The following BMPR1B variants were observed in gnomAD, a reference collection of about 807,000 sequenced individuals.
BMPR1B encodes the protein bone morphogenetic protein receptor type-1B.
In BMPR1B, 12 loss-of-function variants were observed where a neutral mutation model predicts 59.1. That is an observed-to-expected ratio of 0.20 (90% confidence interval 0.13 to 0.33). The LOEUF (loss-of-function observed/expected upper bound fraction) is 0.33. Ranked by LOEUF, BMPR1B falls within the 10% of genes least tolerant of loss-of-function variation. The probability of loss-of-function intolerance (pLI) is 1.00; values close to 1 mark genes in which losing one functional copy is unlikely to be tolerated. For missense variants in BMPR1B, 550 were observed against 610.9 expected, an observed-to-expected ratio of 0.90 and a Z score of 1.05; for synonymous variants, 237 against 207.3, an observed-to-expected ratio of 1.14 and a Z score of -1.23.
At chr4:95,019,130 T>A (rs1192221025) in intron 3 of BMPR1B, among the ~76,000 whole-genome samples, 3 of 152,208 alleles carry the variant, frequency 2.0e-5, no homozygotes, top group Non-Finnish European at 4.4e-5. Context: ...GTAGTTGTAG[T>A]AATTCACATG....
intron 2 of BMPR1B, among the ~76,000 whole-genome samples, chr4:94,952,225 AT>A (rs1253188213): frequency 6.6e-6 from 1 of 151,860 alleles, no homozygotes; most frequent in Admixed American, 6.6e-5. Context: ...GGATTCATTG[AT>A]TTTTTTGAAG....
At chr4:94,923,952 G>T (rs1289463849) in intron 2 of BMPR1B, among the ~76,000 whole-genome samples, 4 of 152,174 alleles carry the variant, frequency 2.6e-5, no homozygotes, top group African/African-American at 9.6e-5. Context: ...ACTCTTGATG[G>T]GTTGCCTTTG....
chr4:95,114,741 G>A lies in BMPR1B; in HGVS notation c.165G>A (p.Thr55=), dbSNP rs749067196. The A allele has an allele frequency of 9.3e-6, 15 of 1,613,346 alleles. No homozygotes were observed. Among genetic ancestry groups the A allele is most frequent in the South Asian group, 4.4e-5 (4 of 91,068 alleles). Residue 55 remains threonine (T), a synonymous_variant, in exon 5 of 13, where the codon ACG becomes ACA. Coordinates refer to ENST00000515059, the MANE Select transcript of BMPR1B (RefSeq NM_001203.3). ...TCAGCACAGACGGATATTGTTTCAC[G>A]ATGATAGAAGAGGATGACTCTGGGT... The part of the protein sequence containing the change: ...NICSTDGYCF[T]MIEEDDSGLP...
chr4:95,148,611 T>C, intron 10 of BMPR1B, 137 bp from the exon 11 acceptor site: 2 of 885,972 alleles, frequency 2.3e-6, no homozygotes, highest in African/African-American at 1.7e-5. Flanking sequence ...AAATATTCTT[T>C]AAGAAATTGT....
At chr4:95,100,383 T>C (rs1730732023) in intron 3 of BMPR1B, among the ~76,000 whole-genome samples, 1 of 152,172 alleles carries the variant, frequency 6.6e-6, no homozygotes, top group Admixed American at 6.6e-5. Context: ...GGCATTGTTC[T>C]ATTTTATTCT....
intron 4 of BMPR1B, among the ~76,000 whole-genome samples, chr4:95,106,366 A>G (rs1731200368): frequency 6.6e-6 from 1 of 152,020 alleles, no homozygotes; most frequent in African/African-American, 2.4e-5. Flanking sequence ...AGTGAATTCA[A>G]GAACAGTTAG....
At chr4:94,943,685 G>A (rs1438128242) in intron 2 of BMPR1B, among the ~76,000 whole-genome samples, 2 of 152,156 alleles carry the variant, frequency 1.3e-5, no homozygotes, top group African/African-American at 2.4e-5. Context: ...TTATAGCATT[G>A]TTTCTCATGC....
At chr4:94,975,726 G>T (rs574148811) in intron 2 of BMPR1B, among the ~76,000 whole-genome samples, 2 of 152,086 alleles carry the variant, frequency 1.3e-5, no homozygotes, top group South Asian at 2.1e-4. Context: ...TACCTAACCT[G>T]TTTTGGTTTT....
chr4:95,001,756 G>A (rs1356544437), intron 3 of BMPR1B, among the ~76,000 whole-genome samples: 1 of 152,004 alleles, frequency 6.6e-6, no homozygotes, highest in Non-Finnish European at 1.5e-5. Context: ...TTTCATCTGG[G>A]ATTCTTTTAA....
intron 3 of BMPR1B, among the ~76,000 whole-genome samples, chr4:95,016,401 G>A (rs1481735093): frequency 2.0e-5 from 3 of 152,200 alleles, no homozygotes; most frequent in African/African-American, 7.2e-5. Flanking sequence ...ATTCAAAGTA[G>A]AAGATAATAG....
At chr4:94,929,095 A>G (rs1728997282) in intron 2 of BMPR1B, among the ~76,000 whole-genome samples, 1 of 152,120 alleles carries the variant, frequency 6.6e-6, no homozygotes, top group Non-Finnish European at 1.5e-5. Context: ...GTGGAGCATG[A>G]AACTTGGCTA....
intron 3 of BMPR1B, among the ~76,000 whole-genome samples, chr4:95,015,124 G>A (rs1002068104): frequency 6.6e-6 from 1 of 152,150 alleles, no homozygotes; most frequent in African/African-American, 2.4e-5. Context: ...TAGAAGCAGA[G>A]GCAGGTAAAA....
intron 3 of BMPR1B, among the ~76,000 whole-genome samples, chr4:95,088,501 G>A (rs1729754036): frequency 6.6e-6 from 1 of 152,098 alleles, no homozygotes; most frequent in East Asian, 1.9e-4. Flanking sequence ...AGAACTTTTA[G>A]GATATAATGA....
chr4:95,130,236 AG>A (rs1392990913), intron 9 of BMPR1B, among the ~76,000 whole-genome samples, 182 bp downstream of exon 9: 2 of 152,222 alleles, frequency 1.3e-5, no homozygotes, highest in Non-Finnish European at 2.9e-5. Context: ...GGAATGACTA[AG>A]GCACTTCTGT....
intron 1 of BMPR1B, among the ~76,000 whole-genome samples, chr4:94,768,366 C>A (rs1304590991): frequency 6.6e-6 from 1 of 151,926 alleles, no homozygotes; most frequent in Non-Finnish European, 1.5e-5. Context: ...TAAAAAACAA[C>A]AACAACAACA....
intron 1 of BMPR1B, among the ~76,000 whole-genome samples, chr4:94,796,261 G>A (rs1400645412): frequency 1.3e-5 from 2 of 152,180 alleles, no homozygotes; most frequent in African/African-American, 2.4e-5. Context: ...CACCATGCCC[G>A]GCCTAGGTTT....
intron 2 of BMPR1B, among the ~76,000 whole-genome samples, chr4:94,896,319 A>C (rs1161247369): frequency 6.6e-6 from 1 of 152,048 alleles, no homozygotes; most frequent in East Asian, 1.9e-4. Flanking sequence ...TTGATGATCA[A>C]AGTATCTGTT....
At chr4:94,832,812 C>T (rs75665638) in intron 1 of BMPR1B, among the ~76,000 whole-genome samples, 18,227 of 151,824 alleles carry the variant, frequency 0.12, 1,158 homozygotes, top group Non-Finnish European at 0.13. Flanking sequence ...AAAGGTAGTG[C>T]AGTGTATTGG....
At chr4:95,071,648 G>GCA (rs1430593586) in intron 3 of BMPR1B, among the ~76,000 whole-genome samples, 15 of 104,752 alleles carry the variant, frequency 1.4e-4, no homozygotes, top group African/African-American at 6.0e-4. Context: ...GTGTGTGTGT[G>GCA]TGTGTATATA....
Sources: allele counts gnomAD v4.1 joint callset (sites outside exome capture counted in the v4.1 genomes callset), GRCh38; gene constraint gnomAD v4.1.1; transcripts MANE v1.5; gene names NCBI Gene and HGNC (gene_info 2026-07-23, HGNC 2026-07-21).